Variants in ATP6V0D2 observed in about 807,000 individuals in gnomAD.
ATP6V0D2 encodes V-type proton ATPase subunit d 2.
ATP6V0D2 carries 40 observed loss-of-function variants against 40.0 expected under a neutral mutation model. The ratio of observed to expected loss-of-function variants is 1.00; its 90% CI spans 0.78 to 1.30. The LOEUF (loss-of-function observed/expected upper bound fraction) is 1.30. ATP6V0D2 is among the 50% of genes most tolerant of loss of function. The probability of loss-of-function intolerance (pLI) is 0.00; values close to 1 mark genes in which losing one functional copy is unlikely to be tolerated. For missense variants in ATP6V0D2, 470 were observed against 423.1 expected (o/e 1.11, Z -0.97); for synonymous variants, 179 against 156.3 (o/e 1.15, Z -1.08).
chr8:86,098,951 C>A lies in ATP6V0D2; in HGVS notation c.-28C>A. ...CGTCCAGGACTACAGAGCTGTTTCACCCTACCTTGGCTTCAATCTCTTCCC... is the reference window on the plus strand; with the variant it reads ...CGTCCAGGACTACAGAGCTGTTTCAACCTACCTTGGCTTCAATCTCTTCCC... On this transcript the variant is annotated 5_prime_UTR_variant, in exon 1 of 8. Transcript: ENST00000285393. The A allele has an allele frequency of 6.2e-7, 1 of 1,610,218 alleles. No homozygotes were observed. The highest frequency in any genetic ancestry group is 8.5e-7 in the Non-Finnish European group (1 of 1,178,274).
rs1425013380 is a variant in ATP6V0D2, at chr8:86,127,354, T to C, written c.303-12103T>C. On this transcript the variant is annotated intron_variant, in intron 2 of 7. Transcript: ENST00000285393. ...TTGAAAAAGTGTGAAATATATTTGG[T>C]GTACTTTTATAAATTATTTAATTCC... Among the ~76,000 whole-genome samples, 3 of 152,152 alleles carry C rather than the reference T, an allele frequency of 2.0e-5. No homozygotes were observed. The East Asian group carries it at 5.8e-4, about 29-fold the overall frequency.
chr8:86,134,854 A>T (rs1193090540), intron 2 of ATP6V0D2, among the ~76,000 whole-genome samples: 1 of 152,252 alleles, frequency 6.6e-6, no homozygotes, highest in African/African-American at 2.4e-5. Flanking sequence ...AAAAAGGAAC[A>T]AACTGTTTAC....
chr8:86,148,615 T>A (rs963681137), intron 5 of ATP6V0D2, among the ~76,000 whole-genome samples: 1 of 152,144 alleles, frequency 6.6e-6, no homozygotes, highest in African/African-American at 2.4e-5. Flanking sequence ...GCACTTCTAA[T>A]GAGTTTCCAG....
intron 2 of ATP6V0D2, among the ~76,000 whole-genome samples, chr8:86,136,071 C>G (rs1818892538): frequency 1.3e-5 from 2 of 152,094 alleles, no homozygotes; most frequent in African/African-American, 4.8e-5. Flanking sequence ...TCATTGTGGG[C>G]CAAGCCCTGG....
At chr8:86,129,752 G>A (rs1471461660) in intron 2 of ATP6V0D2, among the ~76,000 whole-genome samples, 3 of 151,360 alleles carry the variant, frequency 2.0e-5, no homozygotes, top group Non-Finnish European at 4.4e-5. Context: ...GCAGTGAGCC[G>A]AGATCGTGCC....
chr8:86,145,769 G>C (rs1016310998), intron 5 of ATP6V0D2, among the ~76,000 whole-genome samples: 1 of 152,082 alleles, frequency 6.6e-6, no homozygotes, highest in Non-Finnish European at 1.5e-5. Flanking sequence ...GTTTGGAAAT[G>C]GTTTGCTTAC....
intron 2 of ATP6V0D2, among the ~76,000 whole-genome samples, chr8:86,117,747 G>C (rs7461012): frequency 6.6e-6 from 1 of 152,300 alleles, no homozygotes; most frequent in East Asian, 1.9e-4. Context: ...ATGTTACTGA[G>C]CCTGGAAATA....
intron 5 of ATP6V0D2, among the ~76,000 whole-genome samples, chr8:86,149,341 G>T (rs2129644091): frequency 6.6e-6 from 1 of 152,184 alleles, no homozygotes; most frequent in Admixed American, 6.5e-5. Context: ...TTTCAAGAAA[G>T]ACTTCAGTGG....
intron 1 of ATP6V0D2, among the ~76,000 whole-genome samples, chr8:86,099,904 C>T (rs117222266): frequency 0.034 from 5,195 of 152,186 alleles, 124 homozygotes; most frequent in Non-Finnish European, 0.05. Context: ...TGGAGAAGGG[C>T]TTCACCAAAC....
intron 1 of ATP6V0D2, among the ~76,000 whole-genome samples, chr8:86,110,342 G>A (rs963522702): frequency 1.3e-5 from 2 of 152,134 alleles, no homozygotes; most frequent in East Asian, 3.9e-4. Context: ...TGATCCACCC[G>A]CCTCAGCCTC....
chr8:86,116,066 A>G (rs754314290), intron 2 of ATP6V0D2, among the ~76,000 whole-genome samples: 1 of 152,204 alleles, frequency 6.6e-6, no homozygotes, highest in Admixed American at 6.5e-5. Flanking sequence ...TTAATGAATA[A>G]TATCTTTAAG....
At position 86,153,997 on chromosome 8, in the gene ATP6V0D2, T is replaced by G. The variant is rs1428718596; in HGVS notation, c.*1020T>G. The G allele has an allele frequency of 1.3e-5, 2 of 151,996 alleles. No homozygotes were observed. The highest frequency in any genetic ancestry group is 3.9e-4 in the East Asian group (2 of 5,158). 9.4% of individuals were successfully genotyped at this position (151,996 alleles called of 1,614,324 possible). On this transcript the variant is annotated 3_prime_UTR_variant, in exon 8 of 8. Transcript: ENST00000285393. ...CTTGGCCAGGCTGATCTTGAACTCCTGAGCTCATGATCCACCCGCCTCAGC... is the reference window on the plus strand; with the variant it reads ...CTTGGCCAGGCTGATCTTGAACTCCGGAGCTCATGATCCACCCGCCTCAGC...
chr8:86,122,269 A>G (rs1818680876), intron 2 of ATP6V0D2, among the ~76,000 whole-genome samples: 1 of 152,342 alleles, frequency 6.6e-6, no homozygotes, highest in Non-Finnish European at 1.5e-5. Flanking sequence ...CATCTTCGGT[A>G]CTTAAACAGT....
intron 2 of ATP6V0D2, among the ~76,000 whole-genome samples, chr8:86,116,452 C>T (rs959474017): frequency 6.6e-6 from 1 of 152,164 alleles, no homozygotes; most frequent in Admixed American, 6.5e-5. Flanking sequence ...ACCATCCTCT[C>T]ACCTTGGCCT....
chr8:86,121,081 A>C (rs1229160861), intron 2 of ATP6V0D2, among the ~76,000 whole-genome samples: 2 of 152,192 alleles, frequency 1.3e-5, no homozygotes, highest in Non-Finnish European at 2.9e-5. Context: ...TTTCACAAAT[A>C]CTTCCATGAG....
rs538988807 is a variant in ATP6V0D2, at chr8:86,123,039, C to T, written c.302+9159C>T. Reference sequence around the variant, plus strand: ...ATACCCCCTCACTTAATGGTCACCACGCTGTAAGGGGAGAAGTATTTTCCC... The same window carrying T: ...ATACCCCCTCACTTAATGGTCACCATGCTGTAAGGGGAGAAGTATTTTCCC... On this transcript the variant is annotated intron_variant, in intron 2 of 7. Transcript: ENST00000285393. Among the ~76,000 whole-genome samples the T allele has an allele frequency of 1.2e-4, 19 of 152,268 alleles. No homozygotes were observed. The South Asian group carries it at 3.9e-3, about 32-fold the overall frequency.
intron 3 of ATP6V0D2, among the ~76,000 whole-genome samples, chr8:86,141,156 C>T (rs1028428365): frequency 2.0e-5 from 3 of 152,198 alleles, no homozygotes; most frequent in African/African-American, 7.2e-5. Context: ...CACTCTCTGG[C>T]CCACTGTTCA....
At chr8:86,128,135 G>A (rs1003365559) in intron 2 of ATP6V0D2, among the ~76,000 whole-genome samples, 4 of 152,136 alleles carry the variant, frequency 2.6e-5, no homozygotes, top group African/African-American at 9.7e-5. Context: ...TTGGGAGGCT[G>A]AGGCGGGCAG....
At chr8:86,146,950 C>T (rs1819078379) in intron 5 of ATP6V0D2, among the ~76,000 whole-genome samples, 1 of 151,304 alleles carries the variant, frequency 6.6e-6, no homozygotes, top group Non-Finnish European at 1.5e-5. Context: ...TAGAAGAGAC[C>T]ATTAACCTCA....
Sources: gnomAD v4.1 joint callset for allele counts (sites outside exome capture counted in the v4.1 genomes callset) on GRCh38, gnomAD v4.1.1 for gene constraint, MANE v1.5 for transcripts, NCBI Gene and HGNC (gene_info 2026-07-23, HGNC 2026-07-21) for gene names.